Variants in CASP2 observed in about 807,000 individuals in gnomAD.
CASP2 encodes caspase-2.
CASP2 carries 38 observed loss-of-function variants against 54.4 expected under a neutral mutation model. The ratio of observed to expected loss-of-function variants is 0.70; its 90% CI spans 0.54 to 0.92. CASP2 has a LOEUF of 0.92. Among genes scored for constraint, CASP2 ranks in the 40% least tolerant of loss-of-function variants. The pLI, the probability that CASP2 is intolerant of heterozygous loss-of-function variation, is 0.00. For missense variants in CASP2, 512 were observed against 579.6 expected, an observed-to-expected ratio of 0.88 and a Z score of 1.20; for synonymous variants, 215 against 216.3, an observed-to-expected ratio of 0.99 and a Z score of 0.05.
At chr7:143,294,569 C>CATCTGTT (rs1451761291) in intron 5 of CASP2, 28 bp from the exon 6 acceptor site, 12 of 1,606,552 alleles carry the variant, frequency 7.5e-6, no homozygotes, top group Middle Eastern at 1.7e-4. Flanking sequence ...TCAAGACGCT[C>CATCTGTT]ATGGTCTAAC....
rs555139901 is a variant in CASP2, at chr7:143,305,254, T to A, written c.*183T>A. The A allele has an allele frequency of 2.6e-6, 2 of 759,092 alleles. No individual in the cohort carries two copies. Among genetic ancestry groups the A allele is most frequent in the East Asian group, 5.4e-5 (2 of 36,996 alleles). The allele number at this position is 759,092 out of a possible 1,614,324, so 47.0% of individuals were successfully genotyped here. On this transcript the variant is annotated 3_prime_UTR_variant, in exon 11 of 11. Coordinates refer to ENST00000310447, the MANE Select transcript of CASP2 (RefSeq NM_032982.4). ...GTGTGGGACTCCAGGCCAGCTCCTT[T>A]TCTGTGAAGCCCTTTGCCTGTAGAG...
intron 8 of CASP2, chr7:143,300,958 T>G: frequency 1.0e-6 from 1 of 999,984 alleles, no homozygotes; most frequent in Non-Finnish European, 1.2e-6. Context: ...AAAATAATAG[T>G]AATTAAGAGC....
chr7:143,304,313 CTG>C (rs1341210506), intron 9 of CASP2, among the ~76,000 whole-genome samples: 10 of 152,168 alleles, frequency 6.6e-5, no homozygotes, highest in Non-Finnish European at 1.3e-4. Context: ...TGGCATGCCT[CTG>C]TTAGCATTTT....
Position 143,291,598 on chromosome 7 carries a change from G to A in CASP2, c.133G>A (p.Val45Met), listed in dbSNP as rs1196984295. 1 of 1,614,054 alleles carries A rather than the reference G, an allele frequency of 6.2e-7. No homozygotes were observed. The highest frequency in any genetic ancestry group is 1.7e-5 in the Admixed American group (1 of 60,012). ...TCAGGAAACTCTAAAAAAGAACCGA[G>A]TGGTGCTAGCCAAACAGCTGTTGTT... ...HHQETLKKNR[V>M]VLAKQLLLSE... The change falls in exon 2 of 11, where the codon GTG (valine) becomes ATG (methionine). Residue 45 changes from valine (V) to methionine (M), a missense_variant. Val to Met is a conservative substitution (Grantham distance 21). Transcript: ENST00000310447.
intron 1 of CASP2, chr7:143,289,486 C>G (rs940904718): frequency 2.1e-4 from 42 of 196,134 alleles, no homozygotes; most frequent in Non-Finnish European, 3.3e-4. Context: ...AGGGGCGTCC[C>G]TAATGGAATA....
intron 5 of CASP2, 83 bp downstream of exon 5, chr7:143,294,407 C>A: frequency 9.1e-7 from 1 of 1,094,012 alleles, no homozygotes. Context: ...TTTGCATGTA[C>A]ATTTCCTTTC....
intron 6 of CASP2, among the ~76,000 whole-genome samples, chr7:143,296,434 C>T (rs1339084319): frequency 6.6e-6 from 1 of 152,170 alleles, no homozygotes; most frequent in Non-Finnish European, 1.5e-5. Flanking sequence ...AATCTTCTGT[C>T]ATAGCTAAGA....
At chr7:143,291,964 G>C (rs1391373580) in intron 2 of CASP2, among the ~76,000 whole-genome samples, 1 of 151,718 alleles carries the variant, frequency 6.6e-6, no homozygotes, top group Admixed American at 6.6e-5. Context: ...ATTTTTAGTA[G>C]AGACAGGGTT....
intron 4 of CASP2, among the ~76,000 whole-genome samples, chr7:143,293,426 C>T (rs1334099099): frequency 6.6e-6 from 1 of 152,060 alleles, no homozygotes; most frequent in Non-Finnish European, 1.5e-5. Flanking sequence ...CCATGCCCAG[C>T]TGAGACATAG....
At chr7:143,297,933 T>C (rs1312852154) in intron 6 of CASP2, among the ~76,000 whole-genome samples, 1 of 152,242 alleles carries the variant, frequency 6.6e-6, no homozygotes, top group Non-Finnish European at 1.5e-5. Flanking sequence ...ACTTAGAAAA[T>C]ACAGATACTT....
chr7:143,304,606 G>C, intron 9 of CASP2, 68 bp from the exon 10 acceptor site: 1 of 1,144,300 alleles, frequency 8.7e-7, no homozygotes, highest in Non-Finnish European at 1.3e-6. Context: ...TGTCATGGCC[G>C]AGTCTAGTTT....
At position 143,288,384 on chromosome 7, in the gene CASP2, G is replaced by A. The variant is rs879846223; in HGVS notation, c.-72G>A. ...CGTCCGCGTCTGAGGGGAGGGATGTGGGGGAAGCGACGGCCCCCGGTTTGT... is the reference window on the plus strand; with the variant it reads ...CGTCCGCGTCTGAGGGGAGGGATGTAGGGGAAGCGACGGCCCCCGGTTTGT... On this transcript the variant is annotated 5_prime_UTR_variant, in exon 1 of 11. An upstream open reading frame in the 5' UTR gains an earlier in-frame stop. Transcript: ENST00000310447. 2.4e-5 allele frequency: 36 copies of A among 1,479,974 alleles called. No individual in the cohort carries two copies. The highest frequency in any genetic ancestry group is 3.2e-5 in the Non-Finnish European group (34 of 1,068,208). The allele number at this position is 1,479,974 out of a possible 1,614,324, so 91.7% of individuals were successfully genotyped here. A position where few individuals can be genotyped will look rare whatever the true frequency, so the allele number is the denominator to read the frequency against.
chr7:143,294,414 T>A, intron 5 of CASP2, 90 bp downstream of exon 5: 1 of 1,077,922 alleles, frequency 9.3e-7, no homozygotes, highest in Non-Finnish European at 1.4e-6. Flanking sequence ...GTACATTTCC[T>A]TTCTGCCTTA....
At position 143,293,120 on chromosome 7, in the gene CASP2, T is replaced by TG. The variant is rs1563061208; in HGVS notation, c.475+422_475+423insG. The TG allele has an allele frequency of 1.4e-5, 9 of 649,276 alleles. 1 individual carries two copies. The highest frequency in any genetic ancestry group is 2.2e-5 in the Non-Finnish European group (8 of 368,346). The allele number at this position is 649,276 out of a possible 1,614,324, so 40.2% of individuals were successfully genotyped here. A position where few individuals can be genotyped will look rare whatever the true frequency, so the allele number is the denominator to read the frequency against. On this transcript the variant is annotated intron_variant, in intron 4 of 10. Transcript: ENST00000310447. ...AACATGAGCCCTTTTTTTTGTTTTT[T>TG]TTTTTTTTTGTTGTGTTTTTTTTCA...
Position 143,288,372 on chromosome 7 carries a change from G to A in CASP2, c.-84G>A. 6 of 1,382,258 alleles carry A rather than the reference G, an allele frequency of 4.3e-6. No homozygotes were observed. Among genetic ancestry groups the A allele is most frequent in the Non-Finnish European group, 5.1e-6 (5 of 984,062 alleles). 85.6% of individuals were successfully genotyped at this position (1,382,258 alleles called of 1,614,324 possible). Reference sequence around the variant, plus strand: ...AGGCGCAGTGTGCGTCCGCGTCTGAGGGGAGGGATGTGGGGGAAGCGACGG... The same window carrying A: ...AGGCGCAGTGTGCGTCCGCGTCTGAAGGGAGGGATGTGGGGGAAGCGACGG... On this transcript the variant is annotated 5_prime_UTR_variant, in exon 1 of 11. Transcript: ENST00000310447.
In CASP2 at chr7:143,300,060, A is replaced by T; in HGVS notation, c.876+9A>T. ...ATGGGAAACTGCTCCAGGTGCGGATACCCTGGTGGAAGCCAACTGTTGAAA... is the reference window on the plus strand; with the variant it reads ...ATGGGAAACTGCTCCAGGTGCGGATTCCCTGGTGGAAGCCAACTGTTGAAA... On this transcript the variant is annotated intron_variant, in intron 7 of 10. Coordinates refer to ENST00000310447, the MANE Select transcript of CASP2 (RefSeq NM_032982.4). 6.2e-7 allele frequency: 1 copy of T among 1,614,100 alleles called. No homozygotes were observed. Among genetic ancestry groups the T allele is most frequent in the Non-Finnish European group, 8.5e-7 (1 of 1,179,998 alleles).
At chr7:143,292,571 G>C in intron 3 of CASP2, 46 bp from the exon 4 acceptor site, 1 of 1,605,910 alleles carries the variant, frequency 6.2e-7, no homozygotes, top group Non-Finnish European at 8.5e-7. Context: ...ATTTGGACCG[G>C]ACCACTTCCC....
At chr7:143,296,644 T>C (rs1801760365) in intron 6 of CASP2, among the ~76,000 whole-genome samples, 1 of 152,010 alleles carries the variant, frequency 6.6e-6, no homozygotes, top group African/African-American at 2.4e-5. Flanking sequence ...ACACTGGGCA[T>C]CTGCACAGAA....
Position 143,305,534 on chromosome 7 carries a change from G to C in CASP2, c.*463G>C. 3.5e-6 allele frequency: 1 copy of C among 281,874 alleles called. No individual in the cohort carries two copies. Among genetic ancestry groups the C allele is most frequent in the Non-Finnish European group, 7.0e-6 (1 of 143,466 alleles). The allele number at this position is 281,874 out of a possible 1,614,324, so 17.5% of individuals were successfully genotyped here. On this transcript the variant is annotated 3_prime_UTR_variant, in exon 11 of 11. Transcript: ENST00000310447. ...TTTGTCCTAGAGTGAGAGTTTGGAA[G>C]GTGTCCAAATTTAATGTAGACATTA...
Sources: gnomAD v4.1 joint callset for allele counts (sites outside exome capture counted in the v4.1 genomes callset) on GRCh38, gnomAD v4.1.1 for gene constraint, MANE v1.5 for transcripts, NCBI Gene and HGNC (gene_info 2026-07-23, HGNC 2026-07-21) for gene names.